Variants in IARS1 observed in about 807,000 individuals in gnomAD.
IARS1 encodes isoleucine--tRNA ligase, cytoplasmic.
In IARS1, 124 loss-of-function variants were observed where a neutral mutation model predicts 168.2. That is an observed-to-expected ratio of 0.74 (90% CI 0.64 to 0.86). IARS1 has a LOEUF of 0.86. Ranked by LOEUF, IARS1 falls within the 40% of genes least tolerant of loss-of-function variation. IARS1 has a pLI of 0.00. For synonymous variants in IARS1, 532 were observed against 529.4 expected, an observed-to-expected ratio of 1.00 and a Z score of -0.07; for missense variants, 1,452 against 1,515.8, an observed-to-expected ratio of 0.96 and a Z score of 0.70.
intron 30 of IARS1, among the ~76,000 whole-genome samples, chr9:92,232,167 A>C (rs1826814375): frequency 6.6e-6 from 1 of 151,680 alleles, no homozygotes; most frequent in South Asian, 2.1e-4. Context: ...TAACTTAATG[A>C]TAGCTAGCTT....
At chr9:92,268,824 C>T (rs935709055) in intron 13 of IARS1, among the ~76,000 whole-genome samples, 12 of 152,010 alleles carry the variant, frequency 7.9e-5, no homozygotes, top group African/African-American at 2.4e-4. Context: ...CCCTCTGACA[C>T]GCAGCCTGCC....
At chr9:92,247,129 G>C (rs1829312781) in intron 26 of IARS1, among the ~76,000 whole-genome samples, 1 of 152,166 alleles carries the variant, frequency 6.6e-6, no homozygotes, top group Non-Finnish European at 1.5e-5. Flanking sequence ...GGGAGGCAGA[G>C]GTTGCAGTGA....
chr9:92,263,712 C>A (rs1442494109), intron 16 of IARS1, among the ~76,000 whole-genome samples: 2 of 152,122 alleles, frequency 1.3e-5, no homozygotes, highest in Non-Finnish European at 2.9e-5. Context: ...TGGGAGGAGC[C>A]CTGGTGCCCA....
At chr9:92,269,780 C>T (rs72750451) in intron 13 of IARS1, 105 bp downstream of exon 13, 27,330 of 701,616 alleles carry the variant, frequency 0.039, 741 homozygotes, top group South Asian at 0.073. Context: ...ATTACAATAC[C>T]CAATAAAAGA....
At chr9:92,243,953 A>G (rs1375368456) in intron 27 of IARS1, among the ~76,000 whole-genome samples, 11 of 152,212 alleles carry the variant, frequency 7.2e-5, no homozygotes, top group African/African-American at 1.4e-4. Flanking sequence ...AGTAAAATAT[A>G]CTCTACAAAA....
chr9:92,222,340 C>CAA (rs60335070), intron 33 of IARS1, among the ~76,000 whole-genome samples, 180 bp downstream of exon 33: 309 of 55,268 alleles, frequency 5.6e-3, no homozygotes, highest in Middle Eastern at 0.024. Context: ...GACTCAGTCT[C>CAA]AAAAAAAAAA....
In IARS1 at chr9:92,253,603, T is replaced by C. The variant is rs1440070114; in HGVS notation, c.2138-150A>G. Reference sequence around the variant, plus strand: ...AAAGAACCAAAATGAATCAATCACATAATGACTGTTTGTTGAGGATGTGCT... The same window carrying C: ...AAAGAACCAAAATGAATCAATCACACAATGACTGTTTGTTGAGGATGTGCT... On this transcript the variant is annotated intron_variant, in intron 20 of 33. Coordinates refer to ENST00000443024, the MANE Select transcript of IARS1 (RefSeq NM_002161.6). 4.8e-6 allele frequency: 3 copies of C among 628,374 alleles called. No individual in the cohort carries two copies. The Admixed American group carries it at 8.3e-5, about 17-fold the overall frequency. The allele number at this position is 628,374 out of a possible 1,614,324, so 38.9% of individuals were successfully genotyped here.
chr9:92,286,835 T>G (rs1196191492), intron 4 of IARS1, among the ~76,000 whole-genome samples: 1 of 152,224 alleles, frequency 6.6e-6, no homozygotes, highest in East Asian at 1.9e-4. Context: ...TTTACAAGTA[T>G]AAATATTCAC....
intron 20 of IARS1, chr9:92,253,895 C>A (rs1259002194): frequency 2.1e-6 from 1 of 466,374 alleles, no homozygotes; most frequent in Non-Finnish European, 4.3e-6. Flanking sequence ...AGAGGCACAG[C>A]ATAGGCCAGT....
At chr9:92,211,981 A>C (rs1298257967) in intron 33 of IARS1, among the ~76,000 whole-genome samples, 1 of 152,208 alleles carries the variant, frequency 6.6e-6, no homozygotes, top group Non-Finnish European at 1.5e-5. Flanking sequence ...TCAAAAACAA[A>C]AAAAAAGAAA....
rs773916904 is a variant in IARS1 at position 92,287,703 on chromosome 9, A to T, written c.396+88T>A. 5.1e-6 allele frequency: 7 copies of T among 1,373,890 alleles called. No individual in the cohort carries two copies. In the Admixed American group the frequency reaches 7.7e-5, roughly 15 times the overall value. The allele number at this position is 1,373,890 out of a possible 1,614,324, so 85.1% of individuals were successfully genotyped here. On this transcript the variant is annotated intron_variant, in intron 4 of 33. Transcript: ENST00000443024. ...CTTTTTCTACAAAAAATAAATTAAT[A>T]AAAAAAGCACAAGGGACCATAAACC...
At position 92,287,835 on chromosome 9, in the gene IARS1, T is replaced by C. The variant is rs150293947; in HGVS notation, c.352A>G (p.Asn118Asp). ...CTCATCACAATTGCTCGGCACTGAT[T>C]GTTATACTCTGTAATCCCCATTTTG... Reference protein sequence around the residue: ...VAKMGITEYNNQCRAIVMRYS... With the variant: ...VAKMGITEYNDQCRAIVMRYS... Residue 118 changes from asparagine to aspartate, a missense_variant, in exon 4 of 34, where the codon AAT (asparagine) becomes GAT (aspartate). Physicochemically the swap from Asn to Asp is conservative, Grantham distance 23 (BLOSUM62 1). Coordinates refer to ENST00000443024, the MANE Select transcript of IARS1 (RefSeq NM_002161.6). 8.2e-5 allele frequency: 132 copies of C among 1,613,842 alleles called. No individual in the cohort carries two copies. The highest frequency in any genetic ancestry group is 1.2e-4 in the Admixed American group (7 of 59,958).
chr9:92,282,748 TGACA>T (rs1834811078), intron 6 of IARS1, among the ~76,000 whole-genome samples: 1 of 151,736 alleles, frequency 6.6e-6, no homozygotes. Context: ...CCAGCCTAGG[TGACA>T]GACTGAAATC....
chr9:92,220,380 C>T (rs1246318432), intron 33 of IARS1, among the ~76,000 whole-genome samples: 9 of 150,392 alleles, frequency 6.0e-5, no homozygotes, highest in Non-Finnish European at 1.3e-4. Flanking sequence ...AACTAACCTG[C>T]ACAATGTGCA....
intron 4 of IARS1, 40 bp downstream of exon 4, chr9:92,287,748 AACT>A (rs1346648868): frequency 6.4e-7 from 1 of 1,571,716 alleles, no homozygotes; most frequent in Non-Finnish European, 8.6e-7. Context: ...CCCATTTAGT[AACT>A]ACATTTGCTG....
At chr9:92,220,273 T>TG (rs1839458761) in intron 33 of IARS1, among the ~76,000 whole-genome samples, 1 of 43,536 alleles carries the variant, frequency 2.3e-5, no homozygotes, top group African/African-American at 2.5e-4. Context: ...TGTTGTGGGG[T>TG]GGGGGGAGGG....
At chr9:92,263,462 A>G (rs182682500) in intron 16 of IARS1, among the ~76,000 whole-genome samples, 39 of 152,354 alleles carry the variant, frequency 2.6e-4, no homozygotes, top group Admixed American at 1.5e-3. Flanking sequence ...CCCAAAAGTG[A>G]TAAGGCAGAC....
intron 26 of IARS1, 39 bp downstream of exon 26, chr9:92,247,338 C>T (rs1465125910): frequency 1.3e-6 from 2 of 1,579,580 alleles, no homozygotes; most frequent in Non-Finnish European, 1.7e-6. Flanking sequence ...CCCTCAGACT[C>T]AGGACATAAA....
intron 27 of IARS1, 94 bp downstream of exon 27, chr9:92,244,865 C>A: frequency 1.1e-6 from 1 of 927,332 alleles, no homozygotes. Flanking sequence ...CTGAGACAAG[C>A]TGTCAACATT....
Sources: allele counts gnomAD v4.1 joint callset (sites outside exome capture counted in the v4.1 genomes callset), GRCh38; gene constraint gnomAD v4.1.1; transcripts MANE v1.5; gene names NCBI Gene and HGNC (gene_info 2026-07-23, HGNC 2026-07-21).